The following APRT variants were observed in gnomAD, a reference collection of about 807,000 sequenced individuals.
The protein encoded by APRT is AMP diphosphorylase.
Under a neutral mutation model 21.0 loss-of-function variants are expected in APRT, and 25 were observed. The ratio of observed to expected loss-of-function variants is 1.19; its 90% confidence interval spans 0.87 to 1.66. The LOEUF is 1.66. Among genes scored for constraint, APRT ranks in the 40% most tolerant of loss-of-function variants. The probability of loss-of-function intolerance (pLI) is 0.00; values close to 1 mark genes in which losing one functional copy is unlikely to be tolerated. For missense variants in APRT, 294 were observed against 232.7 expected (o/e 1.26, Z -1.72); for synonymous variants, 153 against 109.0 (o/e 1.40, Z -2.52).
chr16:88,810,576 G>A lies in APRT; in HGVS notation c.188-20C>T. On this transcript the variant is annotated intron_variant, in intron 2 of 4. Transcript: ENST00000378364. ...CTAGGCCTGTCAGGGTAAGTGACAGGAGTGACTCGGCAGCATGGGAATCCC... is the reference window on the plus strand; with the variant it reads ...CTAGGCCTGTCAGGGTAAGTGACAGAAGTGACTCGGCAGCATGGGAATCCC... The A allele has an allele frequency of 6.2e-7, 1 of 1,609,006 alleles. No individual in the cohort carries two copies.
rs281860265 is a variant in APRT at position 88,810,482 on chromosome 16, T to TTCGG, written c.258_261dup (p.Lys88ProfsTer23). On this transcript the variant is annotated frameshift_variant, in exon 3 of 5. Transcript: ENST00000378364. LOFTEE classifies it high-confidence loss of function. ...GTGGGGCCTGGCAGCTTCCCCCGCT[T>TTCGG]TCGGATGAGCACGCAGCCCAGTCCA... 1 of 1,612,236 alleles carries TTCGG rather than the reference T, an allele frequency of 6.2e-7. No homozygotes were observed. The highest frequency in any genetic ancestry group is 2.2e-5 in the East Asian group (1 of 44,848).
Position 88,810,136 on chromosome 16 carries a change from T to A in APRT, c.334A>T (p.Ile112Phe), listed in dbSNP as rs767177754. 1.1e-5 allele frequency: 18 copies of A among 1,613,048 alleles called. No homozygotes were observed. In the Admixed American group the frequency reaches 1.8e-4, roughly 16 times the overall value. The part of the protein sequence containing the change: ...SLEYGKAELE[I>F]QKDALEPGQR... Reference sequence around the variant, plus strand: ...CCTGGCTCCAGGGCGTCTTTCTGAATCTCCAGCTCAGCCTGGAGTGGGAAG... The same window carrying A: ...CCTGGCTCCAGGGCGTCTTTCTGAAACTCCAGCTCAGCCTGGAGTGGGAAG... Residue 112 changes from isoleucine to phenylalanine, a missense_variant, in exon 4 of 5, where the codon ATT becomes TTT. Coordinates refer to ENST00000378364, the MANE Select transcript of APRT (RefSeq NM_000485.3).
chr16:88,809,626 G>C lies in APRT; in HGVS notation c.*72C>G, dbSNP rs1474088729. On this transcript the variant is annotated 3_prime_UTR_variant, in exon 5 of 5. Coordinates refer to ENST00000378364, the MANE Select transcript of APRT (RefSeq NM_000485.3). ...TCCCTGTGGGCAGCCGGTGCCCCTG[G>C]TCACTGCAGTTGCCCAAGGCTGATA... is the stretch of plus-strand genomic sequence containing the variant. 1.9e-6 allele frequency: 3 copies of C among 1,604,384 alleles called. No individual in the cohort carries two copies. The highest frequency in any genetic ancestry group is 1.3e-5 in the African/African-American group (1 of 74,720).
chr16:88,809,550 T>C lies in APRT; in HGVS notation c.*148A>G. ...CTGAAACACAGCTTTGCCCCAGGCT[T>C]TGGCACTTCCAGCCCCAGGAGAGGC... On this transcript the variant is annotated 3_prime_UTR_variant, in exon 5 of 5. Coordinates refer to ENST00000378364, the MANE Select transcript of APRT (RefSeq NM_000485.3). The C allele has an allele frequency of 7.7e-7, 1 of 1,295,812 alleles. No homozygotes were observed. Among genetic ancestry groups the C allele is most frequent in the Non-Finnish European group, 1.1e-6 (1 of 914,808 alleles). 80.3% of individuals were successfully genotyped at this position (1,295,812 alleles called of 1,614,324 possible). A position where few individuals can be genotyped will look rare whatever the true frequency, so the allele number is the denominator to read the frequency against.
chr16:88,811,656 C>T lies in APRT; in HGVS notation c.81G>A (p.Arg27=), dbSNP rs1909147151. The T allele has an allele frequency of 3.1e-6, 5 of 1,587,632 alleles. No individual in the cohort carries two copies. In the South Asian group the frequency reaches 4.5e-5, roughly 14 times the overall value. The part of the protein sequence containing the change: ...PDFPTPGVVF[R]DISPVLKDPA... ...GGTCCTTCAGGACGGGCGAGATGTCCCTGGACCCAAGGACAGGCCTGGTGA... is the reference window on the plus strand; with the variant it reads ...GGTCCTTCAGGACGGGCGAGATGTCTCTGGACCCAAGGACAGGCCTGGTGA... Residue 27 remains arginine, a splice_region_variant and synonymous_variant, in exon 2 of 5, where the codon AGG becomes AGA. Coordinates refer to ENST00000378364, the MANE Select transcript of APRT (RefSeq NM_000485.3).
At position 88,810,362 on chromosome 16, in the gene APRT, G is replaced by C. The variant is rs1909073817; in HGVS notation, c.321+61C>G. On this transcript the variant is annotated intron_variant, in intron 3 of 4. Transcript: ENST00000378364. ...ACGCCTGGGAAGGCCTTTTAGAACTGGGGGAGAGTGGCCACGGTGGCCTGG... is the reference window on the plus strand; with the variant it reads ...ACGCCTGGGAAGGCCTTTTAGAACTCGGGGAGAGTGGCCACGGTGGCCTGG... The C allele has an allele frequency of 1.9e-6, 3 of 1,599,824 alleles. No individual in the cohort carries two copies. In the Admixed American group the frequency reaches 5.0e-5, roughly 27 times the overall value.
chr16:88,809,713 G>A lies in APRT; in HGVS notation c.528C>T (p.Leu176=), dbSNP rs777907885. The change falls in exon 5 of 5, where the codon CTC becomes CTT. Residue 176 remains leucine, a synonymous_variant. Transcript: ENST00000378364. The part of the protein sequence containing the change: ...EKLAPVPFFS[L]LQYE Reference sequence around the variant, plus strand: ...GGCCCTGTGGTCACTCATACTGCAGGAGAGAGAAGAAGGGTACAGGTGCCA... The same window carrying A: ...GGCCCTGTGGTCACTCATACTGCAGAAGAGAGAAGAAGGGTACAGGTGCCA... The A allele has an allele frequency of 3.1e-6, 5 of 1,613,240 alleles. No homozygotes were observed. The Admixed American group carries it at 5.0e-5, about 16-fold the overall frequency.
intron 2 of APRT, 83 bp downstream of exon 2, chr16:88,811,467 C>A (rs773834337): frequency 1.4e-6 from 2 of 1,414,568 alleles, no homozygotes; most frequent in Non-Finnish European, 1.9e-6. Context: ...AGGCCCTCCC[C>A]CAAGCAGACG....
intron 4 of APRT, 74 bp downstream of exon 4, chr16:88,809,996 T>C (rs914366429): frequency 5.1e-6 from 8 of 1,576,496 alleles, no homozygotes; most frequent in Non-Finnish European, 7.0e-6. Flanking sequence ...GCATCCCATG[T>C]CACACAGCGA....
intron 3 of APRT, 132 bp downstream of exon 3, chr16:88,810,289 CCT>C (rs1567504789): frequency 2.0e-6 from 3 of 1,508,804 alleles, no homozygotes; most frequent in African/African-American, 2.8e-5. Flanking sequence ...TATGTCTCAA[CCT>C]CTCTGAGCTC....
rs758724286 is a variant in APRT, at chr16:88,809,783, C to T, written c.458G>A (p.Cys153Tyr). ...LGRLQAEVLE[C>Y]VSLVELTSLK... Reference sequence around the variant, plus strand: ...CGAGGTCAGCTCCACCAGGCTCACGCACTCCAGGACCTCAGCCTGCAGGCG... The same window carrying T: ...CGAGGTCAGCTCCACCAGGCTCACGTACTCCAGGACCTCAGCCTGCAGGCG... The change falls in exon 5 of 5, where the codon TGC (cysteine) becomes TAC (tyrosine). Residue 153 changes from cysteine (C) to tyrosine (Y), a missense_variant. Physicochemically the swap from Cys to Tyr is radical, Grantham distance 194 (BLOSUM62 -2). Transcript: ENST00000378364. The T allele has an allele frequency of 3.7e-6, 6 of 1,613,254 alleles. No individual in the cohort carries two copies. The highest frequency in any genetic ancestry group is 3.3e-5 in the South Asian group (3 of 91,088).
At position 88,809,646 on chromosome 16, in the gene APRT, C is replaced by G; in HGVS notation, c.*52G>C. 1 of 1,611,876 alleles carries G rather than the reference C, an allele frequency of 6.2e-7. No individual in the cohort carries two copies. The highest frequency in any genetic ancestry group is 1.1e-5 in the South Asian group (1 of 91,008). On this transcript the variant is annotated 3_prime_UTR_variant, in exon 5 of 5. Coordinates refer to ENST00000378364, the MANE Select transcript of APRT (RefSeq NM_000485.3). The stretch of plus-strand genomic sequence containing the variant: ...CCCTGGTCACTGCAGTTGCCCAAGG[C>G]TGATATTTCCCTGGGATCCAGCTGG...
rs1909015469 is a variant in APRT at position 88,809,453 on chromosome 16, G to A, written c.*245C>T. On this transcript the variant is annotated 3_prime_UTR_variant, in exon 5 of 5. Coordinates refer to ENST00000378364, the MANE Select transcript of APRT (RefSeq NM_000485.3). ...GGGCTCCCTGCCCTGGGGAACAGGA[G>A]GACAGGAGACGGCTCTTGTGGGAAA... 1.6e-6 allele frequency: 1 copy of A among 644,002 alleles called. No individual in the cohort carries two copies. Among genetic ancestry groups the A allele is most frequent in the Non-Finnish European group, 2.8e-6 (1 of 353,616 alleles). 39.9% of individuals were successfully genotyped at this position (644,002 alleles called of 1,614,324 possible).
At chr16:88,809,923 G>T (rs1005047521) in intron 4 of APRT, 83 bp from the exon 5 acceptor site, 1 of 1,585,388 alleles carries the variant, frequency 6.3e-7, no homozygotes, top group Non-Finnish European at 8.6e-7. Context: ...TTGGGGAGGG[G>T]AAGGCATGGG....
At chr16:88,810,659 C>T (rs900895833) in intron 2 of APRT, 103 bp from the exon 3 acceptor site, 4 of 1,399,882 alleles carry the variant, frequency 2.9e-6, no homozygotes, top group Admixed American at 2.0e-5. Context: ...GCTGAAAGGC[C>T]AGTGACATGC....
Position 88,811,738 on chromosome 16 carries a change from G to T in APRT, c.80+82C>A, listed in dbSNP as rs1006861751. On this transcript the variant is annotated intron_variant, in intron 1 of 4. Coordinates refer to ENST00000378364, the MANE Select transcript of APRT (RefSeq NM_000485.3). ...GGCGAAAGACGAGGGTTCCCGCCCCGCCCGCCCGGAGGTCGCGGGCCACGC... is the reference window on the plus strand; with the variant it reads ...GGCGAAAGACGAGGGTTCCCGCCCCTCCCGCCCGGAGGTCGCGGGCCACGC... 14 of 1,498,706 alleles carry T rather than the reference G, an allele frequency of 9.3e-6. No individual in the cohort carries two copies. In the African/African-American group the frequency reaches 1.7e-4, roughly 18 times the overall value. 92.8% of individuals were successfully genotyped at this position (1,498,706 alleles called of 1,614,324 possible).
intron 3 of APRT, 129 bp downstream of exon 3, chr16:88,810,294 C>G: frequency 6.6e-7 from 1 of 1,518,240 alleles, no homozygotes. Flanking sequence ...CTCAACCTCT[C>G]TGAGCTCCCA....
At position 88,809,347 on chromosome 16, in the gene APRT, G is replaced by A. The variant is rs900349955; in HGVS notation, c.*351C>T. The A allele has an allele frequency of 4.3e-6, 2 of 459,860 alleles. No individual in the cohort carries two copies. The highest frequency in any genetic ancestry group is 1.7e-5 in the South Asian group (1 of 60,344). 28.5% of individuals were successfully genotyped at this position (459,860 alleles called of 1,614,324 possible). On this transcript the variant is annotated 3_prime_UTR_variant, in exon 5 of 5. Transcript: ENST00000378364. ...TGCCTGGAGGGTTCTAGCTCCTGAG[G>A]TGAGAACCAGGACAGGTTCTGCTGG...
intron 3 of APRT, 51 bp from the exon 4 acceptor site, chr16:88,810,199 T>A: frequency 6.3e-7 from 1 of 1,593,884 alleles, no homozygotes; most frequent in Non-Finnish European, 8.6e-7. Context: ...AAAACAGCTT[T>A]GTTGCACAGC....
Sources: gnomAD v4.1 joint callset for allele counts on GRCh38, gnomAD v4.1.1 for gene constraint, MANE v1.5 for transcripts, NCBI Gene and HGNC (gene_info 2026-07-23, HGNC 2026-07-21) for gene names.